Variants in FAN1 observed in about 807,000 individuals in gnomAD.
FAN1 encodes fanconi-associated nuclease 1.
A neutral mutation model predicts 104.9 loss-of-function variants in FAN1; 91 were observed. The observed-to-expected ratio is 0.87, with a 90% CI of 0.73 to 1.03. FAN1 has a LOEUF of 1.03. Ranked by LOEUF, FAN1 falls within the 50% of genes least tolerant of loss-of-function variation. FAN1 has a pLI of 0.00. For synonymous variants in FAN1, 478 were observed against 457.6 expected (o/e 1.04, Z -0.57); for missense variants, 1,263 against 1,239.9 (o/e 1.02, Z -0.28).
At chr15:30,922,565 C>G (rs2062360241) in intron 8 of FAN1, among the ~76,000 whole-genome samples, 1 of 152,174 alleles carries the variant, frequency 6.6e-6, no homozygotes, top group Non-Finnish European at 1.5e-5. Context: ...TTTGTCTTCT[C>G]TTTGCTGATT....
In FAN1 at chr15:30,942,747, A is replaced by T; in HGVS notation, c.*1185A>T. 1 of 819,764 alleles carries T rather than the reference A, an allele frequency of 1.2e-6. No homozygotes were observed. The highest frequency in any genetic ancestry group is 1.8e-6 in the Non-Finnish European group (1 of 551,958). 50.8% of individuals were successfully genotyped at this position (819,764 alleles called of 1,614,324 possible). On this transcript the variant is annotated 3_prime_UTR_variant, in exon 15 of 15. Coordinates refer to ENST00000362065, the MANE Select transcript of FAN1 (RefSeq NM_014967.5). Reference sequence around the variant, plus strand: ...AAGAAAGCTGGGATACAGTCATTTGAGTTAAAAAGGGAATGACCCCTCAGA... The same window carrying T: ...AAGAAAGCTGGGATACAGTCATTTGTGTTAAAAAGGGAATGACCCCTCAGA...
intron 5 of FAN1, among the ~76,000 whole-genome samples, chr15:30,915,046 G>C (rs1254179555): frequency 6.6e-6 from 1 of 152,224 alleles, no homozygotes; most frequent in African/African-American, 2.4e-5. Flanking sequence ...AAGATAGGGA[G>C]TCAACCTAAG....
At chr15:30,936,951 G>A (rs1039636079) in intron 13 of FAN1, among the ~76,000 whole-genome samples, 168 bp from the exon 14 acceptor site, 1 of 152,130 alleles carries the variant, frequency 6.6e-6, no homozygotes, top group African/African-American at 2.4e-5. Context: ...AAATCCTAAG[G>A]TGAACCATTG....
At chr15:30,909,049 A>G (rs1336679067) in intron 3 of FAN1, among the ~76,000 whole-genome samples, 8 of 152,222 alleles carry the variant, frequency 5.3e-5, no homozygotes, top group African/African-American at 1.7e-4. Context: ...CTTTAAGCCT[A>G]TGTGAACACT....
At chr15:30,908,288 A>C in intron 3 of FAN1, 30 bp downstream of exon 3, 1 of 1,547,542 alleles carries the variant, frequency 6.5e-7, no homozygotes, top group South Asian at 1.3e-5. Context: ...ATGTGAAATG[A>C]AAATATGATC....
Position 30,929,457 on chromosome 15 carries a change from C to A in FAN1, c.2787+60C>A, listed in dbSNP as rs548627736. ...AAAGTTAACACCGCCCCAGTGCTGTCTTTTCAGCAACTTTATCAAAATACA... is the reference window on the plus strand; with the variant it reads ...AAAGTTAACACCGCCCCAGTGCTGTATTTTCAGCAACTTTATCAAAATACA... On this transcript the variant is annotated intron_variant, in intron 12 of 14. Coordinates refer to ENST00000362065, the MANE Select transcript of FAN1 (RefSeq NM_014967.5). The A allele has an allele frequency of 5.3e-5, 71 of 1,345,092 alleles. 2 individuals are homozygous for A. The South Asian group carries it at 9.1e-4, about 17-fold the overall frequency. 83.3% of individuals were successfully genotyped at this position (1,345,092 alleles called of 1,614,324 possible).
In FAN1 at chr15:30,925,877, C is replaced by T. The variant is rs779331680; in HGVS notation, c.2426C>T (p.Thr809Met). 2.1e-5 allele frequency: 34 copies of T among 1,614,116 alleles called. No individual in the cohort carries two copies. Among genetic ancestry groups the T allele is most frequent in the African/African-American group, 1.1e-4 (8 of 74,958 alleles). The change falls in exon 10 of 15, where the codon ACG (threonine) becomes ATG (methionine). Residue 809 changes from threonine to methionine, a missense_variant. By Grantham distance (81) the Thr-to-Met change is moderately conservative (BLOSUM62 -1). Coordinates refer to ENST00000362065, the MANE Select transcript of FAN1 (RefSeq NM_014967.5). ...GCCGGGGAGGCCGCTGACCCCACCA[C>T]GGTCCTGTGCTCTGTGGAGGAGCTG... ...MEAGEAADPT[T>M]VLCSVEELAL... is the part of the protein sequence containing the mutation.
intron 4 of FAN1, 27 bp from the exon 5 acceptor site, chr15:30,913,831 G>A (rs553644149): frequency 2.0e-6 from 3 of 1,464,806 alleles, no homozygotes; most frequent in Non-Finnish European, 2.8e-6. Flanking sequence ...AAAGCTAAAA[G>A]TTATTTCTAC....
At chr15:30,928,161 G>A in intron 10 of FAN1, 1 of 1,013,092 alleles carries the variant, frequency 9.9e-7, no homozygotes, top group Non-Finnish European at 1.2e-6. Flanking sequence ...TCCGGCATCA[G>A]GGCCTGCATG....
chr15:30,906,352 T>C (rs780452353), intron 2 of FAN1: 23 of 457,896 alleles, frequency 5.0e-5, no homozygotes, highest in South Asian at 3.6e-4. Flanking sequence ...ATATTTTCTT[T>C]CTCCCAACAA....
chr15:30,913,545 T>C lies in FAN1; in HGVS notation c.1578-313T>C, dbSNP rs908041553. On this transcript the variant is annotated intron_variant, in intron 4 of 14. Transcript: ENST00000362065. ...AAATTGAGAATTGCTTCATGTTGAC[T>C]AGGCAATACTTTTCTGAAAGTTTTC... Among the ~76,000 whole-genome samples the C allele has an allele frequency of 6.6e-5, 10 of 152,248 alleles. No homozygotes were observed. In the East Asian group the frequency reaches 1.7e-3, roughly 26 times the overall value.
At chr15:30,930,848 C>T (rs1320950621) in intron 13 of FAN1, among the ~76,000 whole-genome samples, 177 bp downstream of exon 13, 2 of 152,104 alleles carry the variant, frequency 1.3e-5, no homozygotes, top group Non-Finnish European at 2.9e-5. Flanking sequence ...TCAGAGCAGG[C>T]GGGTGAGAGG....
At chr15:30,906,963 C>G (rs932172231) in intron 2 of FAN1, among the ~76,000 whole-genome samples, 1 of 152,098 alleles carries the variant, frequency 6.6e-6, no homozygotes. Flanking sequence ...GAAATAGGAA[C>G]AGTTTTCCTA....
At chr15:30,932,359 A>C (rs1321798761) in intron 13 of FAN1, among the ~76,000 whole-genome samples, 3 of 152,132 alleles carry the variant, frequency 2.0e-5, no homozygotes, top group African/African-American at 7.2e-5. Context: ...GTAAAATATT[A>C]AGAATTTTTG....
intron 5 of FAN1, among the ~76,000 whole-genome samples, chr15:30,917,364 G>C (rs543835628): frequency 1.1e-4 from 17 of 152,286 alleles, no homozygotes; most frequent in Admixed American, 5.9e-4. Context: ...TCAACATTTT[G>C]AGAGTCACTG....
intron 12 of FAN1, among the ~76,000 whole-genome samples, chr15:30,929,610 T>G (rs2062569504): frequency 7.7e-6 from 1 of 129,740 alleles, no homozygotes; most frequent in Non-Finnish European, 1.5e-5. Flanking sequence ...ACATATTACA[T>G]ATATAATATA....
At chr15:30,917,906 TA>T (rs2062227521) in intron 5 of FAN1, among the ~76,000 whole-genome samples, 1 of 152,248 alleles carries the variant, frequency 6.6e-6, no homozygotes, top group Non-Finnish European at 1.5e-5. Flanking sequence ...AGCTGATCCA[TA>T]TCACATTTAT....
intron 7 of FAN1, among the ~76,000 whole-genome samples, chr15:30,921,137 G>A (rs1284340006): frequency 6.6e-6 from 1 of 152,180 alleles, no homozygotes; most frequent in Non-Finnish European, 1.5e-5. Context: ...GCAGCCCGCT[G>A]TCTCTTGGAT....
intron 14 of FAN1, chr15:30,938,936 C>CAACA: frequency 2.0e-6 from 2 of 985,372 alleles, no homozygotes; most frequent in Non-Finnish European, 2.4e-6. Flanking sequence ...ATACTGACAA[C>CAACA]AACAAACAGT....
Sources: gnomAD v4.1 joint callset for allele counts (sites outside exome capture counted in the v4.1 genomes callset) on GRCh38, gnomAD v4.1.1 for gene constraint, MANE v1.5 for transcripts, NCBI Gene and HGNC (gene_info 2026-07-23, HGNC 2026-07-21) for gene names.